ADGRL3: variants seen among roughly 807,000 people sequenced by gnomAD.
ADGRL3 encodes the protein adhesion G protein-coupled receptor L3.
Under a neutral mutation model 153.5 loss-of-function variants are expected in ADGRL3, and 62 were observed. The observed-to-expected ratio is 0.40, with a 90% CI of 0.33 to 0.50. The LOEUF (loss-of-function observed/expected upper bound fraction) is 0.50. Among genes scored for constraint, ADGRL3 ranks in the 20% least tolerant of loss-of-function variants. The pLI is 0.47. For missense variants in ADGRL3, 1,641 were observed against 1,859.4 expected (o/e 0.88, Z 2.16); for synonymous variants, 710 against 672.5 (o/e 1.06, Z -0.86).
chr4:61,694,177 TTA>T (rs1377429136), intron 6 of ADGRL3, among the ~76,000 whole-genome samples: 4 of 20,030 alleles, frequency 2.0e-4, no homozygotes, highest in East Asian at 1.7e-3. Context: ...AATTTTGTCA[TTA>T]TTTTTTTTTT....
chr4:61,408,234 T>C (rs1228580320), intron 2 of ADGRL3, among the ~76,000 whole-genome samples: 1 of 152,114 alleles, frequency 6.6e-6, no homozygotes, highest in Non-Finnish European at 1.5e-5. Flanking sequence ...CTCTTCTGTA[T>C]GTTTTCTTTT....
intron 1 of ADGRL3, among the ~76,000 whole-genome samples, chr4:61,354,907 C>G (rs2096132779): frequency 6.6e-6 from 1 of 152,002 alleles, no homozygotes; most frequent in South Asian, 2.1e-4. Flanking sequence ...TTTATACTTG[C>G]TACAACAGGT....
At chr4:61,220,013 C>T (rs1744681031) in intron 1 of ADGRL3, among the ~76,000 whole-genome samples, 1 of 151,066 alleles carries the variant, frequency 6.6e-6, no homozygotes, top group African/African-American at 2.4e-5. Flanking sequence ...GAGGCTGAGG[C>T]AGGAGAATCG....
At chr4:61,827,729 C>T (rs2097824756) in intron 9 of ADGRL3, among the ~76,000 whole-genome samples, 1 of 152,116 alleles carries the variant, frequency 6.6e-6, no homozygotes, top group Non-Finnish European at 1.5e-5. Context: ...TTGGACATGT[C>T]AAGAGAGAAA....
intron 18 of ADGRL3, among the ~76,000 whole-genome samples, chr4:61,982,725 C>CA (rs1023166384): frequency 5.3e-5 from 8 of 152,032 alleles, no homozygotes; most frequent in Non-Finnish European, 1.2e-4. Context: ...AGTACAATAA[C>CA]AAAAAATCAG....
chr4:61,449,829 T>C (rs2097652368), intron 2 of ADGRL3, among the ~76,000 whole-genome samples: 3 of 152,164 alleles, frequency 2.0e-5, no homozygotes, highest in Admixed American at 1.3e-4. Context: ...TGGACACACT[T>C]AATATTAGTC....
intron 6 of ADGRL3, among the ~76,000 whole-genome samples, chr4:61,726,210 G>GTTTATTTTTTTTTTTTTTTTTTT (rs2096336633): frequency 8.4e-6 from 1 of 118,480 alleles, no homozygotes. Context: ...TTTTTTTTTT[G>GTTTATTTTTTTTTTTTTTTTTTT]TTTTTTGAGA....
chr4:61,488,396 C>A (rs2098220833), intron 2 of ADGRL3, among the ~76,000 whole-genome samples: 2 of 151,858 alleles, frequency 1.3e-5, no homozygotes, highest in Non-Finnish European at 2.9e-5. Flanking sequence ...CATTTCATTG[C>A]TTGAAACATG....
intron 10 of ADGRL3, among the ~76,000 whole-genome samples, chr4:61,895,210 G>A (rs1477312287): frequency 1.3e-5 from 2 of 152,248 alleles, no homozygotes; most frequent in East Asian, 1.9e-4. Context: ...GCTCACGCCT[G>A]TAATCCCAGC....
intron 1 of ADGRL3, among the ~76,000 whole-genome samples, chr4:61,322,101 G>T (rs1234759807): frequency 6.6e-6 from 1 of 152,160 alleles, no homozygotes; most frequent in African/African-American, 2.4e-5. Context: ...GCAAGGAGGA[G>T]TAGGTCACAT....
chr4:61,967,988 G>A (rs1175826401), intron 17 of ADGRL3, among the ~76,000 whole-genome samples: 1 of 152,124 alleles, frequency 6.6e-6, no homozygotes, highest in Non-Finnish European at 1.5e-5. Flanking sequence ...TGCTAAAGAG[G>A]GCAAGAGAGG....
intron 5 of ADGRL3, among the ~76,000 whole-genome samples, chr4:61,653,724 AC>A (rs2094349927): frequency 1.3e-5 from 2 of 152,184 alleles, no homozygotes; most frequent in African/African-American, 4.8e-5. Context: ...TAACCAGCAA[AC>A]TTTTTTCCAT....
At chr4:61,996,939 G>A (rs976546919) in intron 20 of ADGRL3, among the ~76,000 whole-genome samples, 13 of 152,042 alleles carry the variant, frequency 8.6e-5, no homozygotes, top group African/African-American at 2.7e-4. Flanking sequence ...AGATAAAACT[G>A]TTAGTATAAT....
Position 61,426,379 on chromosome 4 carries a change from G to A in ADGRL3, c.-174+43190G>A, listed in dbSNP as rs187617659. ...TATGGTGTCAGTACTAGGCTGGACC[G>A]CAACAGCAGTCCAGGAAGCAGTCGC... On this transcript the variant is annotated intron_variant, in intron 2 of 26. Coordinates refer to ENST00000683033, the MANE Select transcript of ADGRL3 (RefSeq NM_001387552.1). Among the ~76,000 whole-genome samples the A allele has an allele frequency of 1.2e-3, 178 of 152,278 alleles. 1 individual carries two copies. The highest frequency in any genetic ancestry group is 4.1e-3 in the African/African-American group (169 of 41,572).
intron 5 of ADGRL3, among the ~76,000 whole-genome samples, chr4:61,625,519 T>C (rs943821112): frequency 2.2e-4 from 33 of 152,194 alleles, no homozygotes; most frequent in African/African-American, 7.9e-4. Flanking sequence ...TTCGTTACGT[T>C]GCTAATTTAT....
At chr4:61,432,827 AT>A (rs796587620) in intron 2 of ADGRL3, among the ~76,000 whole-genome samples, 38 of 150,770 alleles carry the variant, frequency 2.5e-4, no homozygotes, top group African/African-American at 7.5e-4. Context: ...CTAATTTTGT[AT>A]TTTTAGTACA....
At chr4:61,513,106 A>G (rs2152882007) in intron 3 of ADGRL3, among the ~76,000 whole-genome samples, 1 of 152,258 alleles carries the variant, frequency 6.6e-6, no homozygotes. Context: ...TCATTATAGA[A>G]TTAGCCATTG....
At chr4:61,474,924 C>A (rs2098025185) in intron 2 of ADGRL3, among the ~76,000 whole-genome samples, 1 of 151,954 alleles carries the variant, frequency 6.6e-6, no homozygotes. Flanking sequence ...AATTACTGTC[C>A]CAGGCTTATT....
At chr4:61,947,504 A>G (rs766256484) in intron 16 of ADGRL3, among the ~76,000 whole-genome samples, 16 of 152,212 alleles carry the variant, frequency 1.1e-4, no homozygotes, top group Admixed American at 2.6e-4. Flanking sequence ...CAAGAAAACA[A>G]TGGGTAACTA....
Sources: gnomAD v4.1 joint callset for allele counts (sites outside exome capture counted in the v4.1 genomes callset) on GRCh38, gnomAD v4.1.1 for gene constraint, MANE v1.5 for transcripts, NCBI Gene and HGNC (gene_info 2026-07-23, HGNC 2026-07-21) for gene names.